ZC3H12B: variants seen among roughly 807,000 people sequenced by gnomAD.
The protein encoded by ZC3H12B is zinc finger CCCH-type containing 12B, also known as probable ribonuclease ZC3H12B.
A neutral mutation model predicts 43.9 loss-of-function variants in ZC3H12B; 7 were observed. The observed-to-expected ratio is 0.16, with a 90% CI of 0.09 to 0.30. The LOEUF (loss-of-function observed/expected upper bound fraction) is 0.30, where lower values mean the gene tolerates loss of function less well. ZC3H12B is among the 10% of genes least tolerant of loss of function. ZC3H12B has a pLI of 1.00. For missense variants in ZC3H12B, 475 were observed against 670.2 expected (o/e 0.71, Z 3.22); for synonymous variants, 222 against 241.7 (o/e 0.92, Z 0.76).
chrX:65,116,554 T>C, the ZC3H12B span, among the ~76,000 whole-genome samples: 2 of 110,478 alleles, frequency 1.8e-5, no homozygotes, highest in Non-Finnish European at 3.8e-5. Flanking sequence ...TCCATTTCAA[T>C]TTTAGGATTT....
the ZC3H12B span, among the ~76,000 whole-genome samples, chrX:65,222,649 AT>A: frequency 2.1e-5 from 2 of 97,343 alleles, no homozygotes; most frequent in South Asian, 9.5e-4. Flanking sequence ...AATAATAATA[AT>A]AAAACACTTA....
At chrX:65,407,353 C>T (rs2066842618) in intron 3 of ZC3H12B, among the ~76,000 whole-genome samples, 1 of 112,069 alleles carries the variant, frequency 8.9e-6, no homozygotes, top group Non-Finnish European at 1.9e-5. Flanking sequence ...GCGGAGAACA[C>T]CGAGTGCTGG....
the ZC3H12B span, among the ~76,000 whole-genome samples, chrX:65,071,786 T>A: frequency 8.6e-4 from 96 of 112,183 alleles, no homozygotes; most frequent in Non-Finnish European, 1.4e-3. Flanking sequence ...GCTCCCAATT[T>A]CTTCTGGCTT....
Position 65,382,551 on chromosome X carries a change from T to G in ZC3H12B, n.295+13553T>G, listed in dbSNP as rs758928267. On this transcript the variant is annotated intron_variant and non_coding_transcript_variant, in intron 2 of 5. Transcript: ENST00000617377. ...CCTTTGAAAACTGGCACAAGACAGG[T>G]ATACCCTCTCTCACCACTCCTATTC... Among the ~76,000 whole-genome samples the G allele has an allele frequency of 3.9e-3, 434 of 111,343 alleles. 3 individuals are homozygous for G. The highest frequency in any genetic ancestry group is 6.8e-3 in the Non-Finnish European group (363 of 53,034).
At chrX:65,127,275 A>C in the ZC3H12B span, among the ~76,000 whole-genome samples, 1 of 111,775 alleles carries the variant, frequency 8.9e-6, no homozygotes, top group Non-Finnish European at 1.9e-5. Flanking sequence ...TTGCTCTTCT[A>C]GGTCTAGCCA....
At chrX:65,062,966 A>G in the ZC3H12B span, among the ~76,000 whole-genome samples, 2 of 110,891 alleles carry the variant, frequency 1.8e-5, no homozygotes, top group Non-Finnish European at 3.8e-5. Context: ...CTGTTTGTCT[A>G]TTATTGGTGT....
chrX:65,437,173 G>A (rs2067231538), intron 3 of ZC3H12B, among the ~76,000 whole-genome samples: 1 of 110,499 alleles, frequency 9.0e-6, no homozygotes, highest in Non-Finnish European at 1.9e-5. Flanking sequence ...GGCTGGTCTT[G>A]AAACCTGACC....
the ZC3H12B span, among the ~76,000 whole-genome samples, chrX:65,038,474 A>C: frequency 2.7e-5 from 3 of 111,903 alleles, no homozygotes; most frequent in Admixed American, 1.9e-4. Flanking sequence ...TAACCAGTTA[A>C]CAGATAGCAA....
chrX:65,349,289 G>A, the ZC3H12B span, among the ~76,000 whole-genome samples: 2 of 111,518 alleles, frequency 1.8e-5, no homozygotes, highest in East Asian at 5.6e-4. Context: ...CAAAATGAAG[G>A]CAGAAATAAA....
the ZC3H12B span, among the ~76,000 whole-genome samples, chrX:65,129,258 T>TA: frequency 1.2e-5 from 1 of 85,360 alleles, no homozygotes; most frequent in African/African-American, 8.3e-5. Flanking sequence ...TGTATATATG[T>TA]ATATATATAT....
the ZC3H12B span, among the ~76,000 whole-genome samples, chrX:65,224,589 G>C: frequency 8.9e-6 from 1 of 112,646 alleles, no homozygotes; most frequent in Non-Finnish European, 1.9e-5. Context: ...CACTCGGGAA[G>C]CACAAGGGGT....
chrX:65,080,271 C>T, the ZC3H12B span, among the ~76,000 whole-genome samples: 3 of 104,852 alleles, frequency 2.9e-5, no homozygotes, highest in Admixed American at 3.1e-4. Context: ...TTGACCTTAA[C>T]GAAGAGGTAG....
the ZC3H12B span, among the ~76,000 whole-genome samples, chrX:65,039,875 G>A: frequency 9.0e-6 from 1 of 110,903 alleles, no homozygotes; most frequent in African/African-American, 3.3e-5. Context: ...GAAGGGGTTG[G>A]GTCCTTCTGG....
At chrX:65,218,421 T>C in the ZC3H12B span, among the ~76,000 whole-genome samples, 5 of 111,963 alleles carry the variant, frequency 4.5e-5, no homozygotes, top group African/African-American at 1.6e-4. Context: ...CTGGTGAAAG[T>C]TCTCAGCCCT....
the ZC3H12B span, among the ~76,000 whole-genome samples, chrX:65,206,784 C>G: frequency 0.24 from 26,704 of 110,714 alleles, 7,703 homozygotes; most frequent in African/African-American, 0.83. Context: ...CTAATATCTA[C>G]AATCTACAAG....
the ZC3H12B span, among the ~76,000 whole-genome samples, chrX:65,245,514 C>G: frequency 1.7e-4 from 19 of 112,157 alleles, no homozygotes; most frequent in South Asian, 5.2e-3. Context: ...GGCTTCATTC[C>G]TGGAAGGCAA....
At chrX:65,314,926 C>T in the ZC3H12B span, among the ~76,000 whole-genome samples, 1 of 110,772 alleles carries the variant, frequency 9.0e-6, no homozygotes, top group Non-Finnish European at 1.9e-5. Context: ...AAAATATTAA[C>T]TCTAAATTAA....
At chrX:65,136,534 T>C in the ZC3H12B span, among the ~76,000 whole-genome samples, 1 of 111,127 alleles carries the variant, frequency 9.0e-6, no homozygotes, top group Non-Finnish European at 1.9e-5. Flanking sequence ...TCTCACAGTT[T>C]TTTCTGTGGT....
intron 1 of ZC3H12B, 38 bp from the exon 7 acceptor site, chrX:65,497,094 T>C (rs1168481676): frequency 8.6e-7 from 1 of 1,168,854 alleles, no homozygotes; most frequent in East Asian, 3.0e-5. Context: ...TGCTATCTAT[T>C]ATCAATCTTC....
Sources: gnomAD v4.1 joint callset for allele counts (sites outside exome capture counted in the v4.1 genomes callset) on GRCh38, gnomAD v4.1.1 for gene constraint, MANE v1.5 for transcripts, NCBI Gene and HGNC (gene_info 2026-07-23, HGNC 2026-07-21) for gene names.